The following MYO1E variants were observed in gnomAD, a reference collection of about 807,000 sequenced individuals.
MYO1E encodes unconventional myosin-Ie.
MYO1E carries 68 observed loss-of-function variants against 151.1 expected under a neutral mutation model. The ratio of observed to expected loss-of-function variants is 0.45; its 90% confidence interval spans 0.37 to 0.55. The LOEUF is 0.55. Among genes scored for constraint, MYO1E ranks in the 20% least tolerant of loss-of-function variants. The probability of loss-of-function intolerance (pLI) is 0.00; values close to 1 mark genes in which losing one functional copy is unlikely to be tolerated. For synonymous variants in MYO1E, 601 were observed against 501.7 expected, an observed-to-expected ratio of 1.20 and a Z score of -2.64; for missense variants, 1,363 against 1,389.3, an observed-to-expected ratio of 0.98 and a Z score of 0.30.
At chr15:59,248,413 G>A (rs529783975) in intron 4 of MYO1E, among the ~76,000 whole-genome samples, 2 of 146,700 alleles carry the variant, frequency 1.4e-5, no homozygotes, top group African/African-American at 5.1e-5. Flanking sequence ...TTGAACCCGG[G>A]GGGATGGAGG....
chr15:59,279,270 T>G (rs1010990105), intron 1 of MYO1E, among the ~76,000 whole-genome samples: 1 of 152,126 alleles, frequency 6.6e-6, no homozygotes, highest in African/African-American at 2.4e-5. Flanking sequence ...TAGTCAGTGG[T>G]GCCTGGAATC....
At chr15:59,169,542 C>G (rs1196167150) in intron 22 of MYO1E, among the ~76,000 whole-genome samples, 4 of 152,190 alleles carry the variant, frequency 2.6e-5, no homozygotes, top group Non-Finnish European at 4.4e-5. Flanking sequence ...ACAGACATCA[C>G]AAGTTCAAAT....
In MYO1E at chr15:59,178,298, C is replaced by T. The variant is rs552510314; in HGVS notation, c.2049+95G>A. The T allele has an allele frequency of 3.0e-5, 44 of 1,475,084 alleles. 1 individual carries two copies. Among genetic ancestry groups the T allele is most frequent in the East Asian group, 1.8e-4 (8 of 43,720 alleles). The allele number at this position is 1,475,084 out of a possible 1,614,324, so 91.4% of individuals were successfully genotyped here. A position where few individuals can be genotyped will look rare whatever the true frequency, so the allele number is the denominator to read the frequency against. On this transcript the variant is annotated intron_variant, in intron 19 of 27. Transcript: ENST00000288235. ...AGGAGACAACATTGATGGCATGAAGCGAAGAATGAGAAAAAGAAGCCAGCT... is the reference window on the plus strand; with the variant it reads ...AGGAGACAACATTGATGGCATGAAGTGAAGAATGAGAAAAAGAAGCCAGCT...
At chr15:59,139,074 A>C (rs1049809008) in intron 26 of MYO1E, among the ~76,000 whole-genome samples, 4 of 152,018 alleles carry the variant, frequency 2.6e-5, no homozygotes, top group Non-Finnish European at 4.4e-5. Context: ...AGTTTTCACT[A>C]TTATAAAAAA....
At chr15:59,297,953 T>C (rs2080460587) in intron 1 of MYO1E, among the ~76,000 whole-genome samples, 1 of 152,200 alleles carries the variant, frequency 6.6e-6, no homozygotes, top group Admixed American at 6.5e-5. Flanking sequence ...GTTTGCCTGA[T>C]ATTTGTCATA....
chr15:59,193,842 GACT>G (rs1287488121), intron 17 of MYO1E, among the ~76,000 whole-genome samples: 1 of 152,158 alleles, frequency 6.6e-6, no homozygotes, highest in Non-Finnish European at 1.5e-5. Flanking sequence ...GAAGGAATCT[GACT>G]ACATTAAATT....
intron 1 of MYO1E, among the ~76,000 whole-genome samples, chr15:59,281,739 C>A (rs942677951): frequency 6.6e-6 from 1 of 152,194 alleles, no homozygotes; most frequent in Non-Finnish European, 1.5e-5. Context: ...ACACAACAAT[C>A]TTCATAAAAT....
At chr15:59,169,950 G>C (rs148407179) in intron 22 of MYO1E, among the ~76,000 whole-genome samples, 4 of 152,076 alleles carry the variant, frequency 2.6e-5, no homozygotes, top group African/African-American at 9.7e-5. Context: ...ACTTGAAGTC[G>C]GGAGTTCAAG....
At chr15:59,364,761 C>A (rs1215829291) in intron 1 of MYO1E, among the ~76,000 whole-genome samples, 1 of 151,776 alleles carries the variant, frequency 6.6e-6, no homozygotes, top group Admixed American at 6.6e-5. Flanking sequence ...AACAGTTGGC[C>A]GGGCATGGTA....
chr15:59,362,821 T>G (rs2080892689), intron 1 of MYO1E, among the ~76,000 whole-genome samples: 1 of 152,238 alleles, frequency 6.6e-6, no homozygotes, highest in Non-Finnish European at 1.5e-5. Context: ...CCGAAGAAAT[T>G]ATTAGGAGAC....
At chr15:59,323,123 C>T (rs112464219) in intron 1 of MYO1E, among the ~76,000 whole-genome samples, 4,520 of 138,662 alleles carry the variant, frequency 0.033, 236 homozygotes, top group African/African-American at 0.12. Flanking sequence ...GAGCCGAGAT[C>T]GCACCACTGC....
At chr15:59,178,825 A>T (rs1252495390) in intron 18 of MYO1E, among the ~76,000 whole-genome samples, 3 of 152,240 alleles carry the variant, frequency 2.0e-5, no homozygotes, top group African/African-American at 7.2e-5. Flanking sequence ...GTCTGAAAAT[A>T]GCATTGTGGA....
At chr15:59,345,991 T>G (rs572440678) in intron 1 of MYO1E, among the ~76,000 whole-genome samples, 1 of 152,370 alleles carries the variant, frequency 6.6e-6, no homozygotes, top group African/African-American at 2.4e-5. Flanking sequence ...TACTTCCGAA[T>G]GCATGTGAGT....
At chr15:59,340,089 C>G (rs1165695973) in intron 1 of MYO1E, among the ~76,000 whole-genome samples, 2 of 152,142 alleles carry the variant, frequency 1.3e-5, no homozygotes, top group Non-Finnish European at 2.9e-5. Context: ...CTCCTGACCT[C>G]AGGTGATCTG....
intron 5 of MYO1E, among the ~76,000 whole-genome samples, chr15:59,235,351 C>T (rs1031235264): frequency 7.2e-5 from 11 of 152,140 alleles, no homozygotes; most frequent in Admixed American, 2.6e-4. Flanking sequence ...GTGTATACTT[C>T]GAGGGATATG....
chr15:59,216,617 T>C (rs2079916580), intron 10 of MYO1E, among the ~76,000 whole-genome samples: 1 of 124,360 alleles, frequency 8.0e-6, no homozygotes, highest in South Asian at 2.6e-4. Context: ...TATCTATCTA[T>C]CTATCTTTTG....
At chr15:59,250,369 G>A (rs970211386) in intron 4 of MYO1E, among the ~76,000 whole-genome samples, 8 of 152,172 alleles carry the variant, frequency 5.3e-5, no homozygotes. Flanking sequence ...CCAAACATCA[G>A]AGGCTCAGGT....
Position 59,372,659 on chromosome 15 carries a change from G to C in MYO1E, c.-159C>G, listed in dbSNP as rs373087420. The C allele has an allele frequency of 4.4e-6, 4 of 899,638 alleles. No individual in the cohort carries two copies. In the East Asian group the frequency reaches 8.4e-5, roughly 19 times the overall value. 55.7% of individuals were successfully genotyped at this position (899,638 alleles called of 1,614,324 possible). A position where few individuals can be genotyped will look rare whatever the true frequency, so the allele number is the denominator to read the frequency against. On this transcript the variant is annotated 5_prime_UTR_variant, in exon 1 of 28. Transcript: ENST00000288235. ...CAGGAGCCAATGGGAACCCAGAGGG[G>C]ACTCCATCCAGGCGGGATTGGCGGT...
chr15:59,142,280 A>C (rs1222262069), intron 26 of MYO1E, among the ~76,000 whole-genome samples: 2 of 152,188 alleles, frequency 1.3e-5, no homozygotes, highest in African/African-American at 2.4e-5. Context: ...TTGTTCAGGG[A>C]AAAACCCTAG....
Sources: gnomAD v4.1 joint callset for allele counts (sites outside exome capture counted in the v4.1 genomes callset) on GRCh38, gnomAD v4.1.1 for gene constraint, MANE v1.5 for transcripts, NCBI Gene and HGNC (gene_info 2026-07-23, HGNC 2026-07-21) for gene names.